Variants in TBC1D16 observed in about 807,000 individuals in gnomAD.
The protein encoded by TBC1D16 is TBC1 domain family member 16.
Under a neutral mutation model 74.7 loss-of-function variants are expected in TBC1D16, and 58 were observed. The ratio of observed to expected loss-of-function variants is 0.78; its 90% CI spans 0.63 to 0.97. The LOEUF is 0.97. TBC1D16 is among the 50% of genes least tolerant of loss of function. The pLI, the probability that TBC1D16 is intolerant of heterozygous loss-of-function variation, is 0.00. For missense variants in TBC1D16, 1,014 were observed against 1,079.5 expected (o/e 0.94, Z 0.85); for synonymous variants, 493 against 474.7 (o/e 1.04, Z -0.50).
In TBC1D16 at chr17:80,010,627, G is replaced by T. The variant is rs751077321; in HGVS notation, c.312C>A (p.Pro104=). ...CCCGAGGGCGGGGTGCCTTGCGAAC[G>T]GGGGAGCTCTCGGGTGTGATGTAGC... ...ALRYITPESS[P]VRKAPRPRGR... is the part of the protein sequence containing the mutation. Residue 104 remains proline (P), a synonymous_variant, in exon 3 of 12, where the codon CCC becomes CCA. Transcript: ENST00000310924. The surrounding 1 kb of genome is among the most constrained non-coding windows in gnomAD (Gnocchi z 8.8). 1 of 1,576,556 alleles carries T rather than the reference G, an allele frequency of 6.3e-7. No individual in the cohort carries two copies. Among genetic ancestry groups the T allele is most frequent in the Non-Finnish European group, 8.6e-7 (1 of 1,164,036 alleles).
chr17:79,994,688 T>G lies in TBC1D16; in HGVS notation c.779+15472A>C, dbSNP rs1568619864. Among the ~76,000 whole-genome samples, 1 of 152,088 alleles carries G rather than the reference T, an allele frequency of 6.6e-6. No individual in the cohort carries two copies. The highest frequency in any genetic ancestry group is 1.5e-5 in the Non-Finnish European group (1 of 68,024). ...ATCCACCAGCCTCGGCATCCCAAAG[T>G]GCTGGGATTACAGGCGTGAGCCATT... On this transcript the variant is annotated intron_variant, in intron 3 of 11. Coordinates refer to ENST00000310924, the MANE Select transcript of TBC1D16 (RefSeq NM_019020.4). This position sits in a 1 kb window ranked among gnomAD's most constrained non-coding sequence, Gnocchi z 4.6.
rs1010969805 is a variant in TBC1D16, at chr17:79,961,076, G to A, written c.780-8258C>T. Among the ~76,000 whole-genome samples the A allele has an allele frequency of 3.3e-5, 5 of 152,178 alleles. No homozygotes were observed. The highest frequency in any genetic ancestry group is 7.2e-5 in the African/African-American group (3 of 41,450). ...GCAGAAAACAGGAAATGACACAAAC[G>A]TCTTTCAGCTGGTGAATGGCTAAAC... On this transcript the variant is annotated intron_variant, in intron 3 of 11. Coordinates refer to ENST00000310924, the MANE Select transcript of TBC1D16 (RefSeq NM_019020.4). The surrounding 1 kb of genome is among the most constrained non-coding windows in gnomAD (Gnocchi z 4.8).
chr17:79,976,572 G>A (rs955727832), intron 3 of TBC1D16, among the ~76,000 whole-genome samples: 8 of 152,276 alleles, frequency 5.3e-5, no homozygotes, highest in Middle Eastern at 3.4e-3. Context: ...GAAACACACC[G>A]TGCAAAGACC....
Position 80,023,443 on chromosome 17 carries a change from G to A in TBC1D16, c.-62-9834C>T, listed in dbSNP as rs905047514. On this transcript the variant is annotated intron_variant, in intron 1 of 11. Coordinates refer to ENST00000310924, the MANE Select transcript of TBC1D16 (RefSeq NM_019020.4). ...GAAGCCACAGTTCCCCATGAGCCCA[G>A]GGCAAGCTCGTCAGAGACCCTTCCC... Among the ~76,000 whole-genome samples the A allele has an allele frequency of 1.3e-5, 2 of 149,988 alleles. 1 individual carries two copies. Among genetic ancestry groups the A allele is most frequent in the African/African-American group, 5.1e-5 (2 of 39,366 alleles).
In TBC1D16 at chr17:79,993,127, A is replaced by C. The variant is rs2035138770; in HGVS notation, c.779+17033T>G. On this transcript the variant is annotated intron_variant, in intron 3 of 11. Transcript: ENST00000310924. The surrounding 1 kb of genome is among the most constrained non-coding windows in gnomAD (Gnocchi z 5.1). ...GCCAGCCCCATTGTGCAGAGGGGAAACTGAGGCAATGAGGGTAATAACCCA... is the reference window on the plus strand; with the variant it reads ...GCCAGCCCCATTGTGCAGAGGGGAACCTGAGGCAATGAGGGTAATAACCCA... 6.6e-6 allele frequency among the ~76,000 whole-genome samples: 1 copy of C among 152,206 alleles called. No homozygotes were observed. The highest frequency in any genetic ancestry group is 1.5e-5 in the Non-Finnish European group (1 of 68,034).
intron 7 of TBC1D16, among the ~76,000 whole-genome samples, chr17:79,949,516 G>A (rs1255577166): frequency 6.6e-6 from 1 of 152,236 alleles, no homozygotes. Flanking sequence ...AACGAGCCCC[G>A]CAGCTCCGAG....
In TBC1D16 at chr17:80,002,536, G is replaced by A. The variant is rs552688775; in HGVS notation, c.779+7624C>T. Among the ~76,000 whole-genome samples, 6 of 152,326 alleles carry A rather than the reference G, an allele frequency of 3.9e-5. No individual in the cohort carries two copies. The South Asian group carries it at 1.2e-3, about 32-fold the overall frequency. ...CCCCCATGACAGGGGCCACCCTGAG[G>A]GAGTAGAGGGGCCTTGTCTTATCAT... On this transcript the variant is annotated intron_variant, in intron 3 of 11. Coordinates refer to ENST00000310924, the MANE Select transcript of TBC1D16 (RefSeq NM_019020.4).
chr17:80,013,380 C>A lies in TBC1D16; in HGVS notation c.168G>T (p.Gly56=). Residue 56 remains glycine, a synonymous_variant, in exon 2 of 12, where the codon GGG becomes GGT. Coordinates refer to ENST00000310924, the MANE Select transcript of TBC1D16 (RefSeq NM_019020.4). ...GCCCTGGCTCACCTGGGTGGTGCTCCCCCAGCCCCTGCAGCCCCTCCGGCG... is the reference window on the plus strand; with the variant it reads ...GCCCTGGCTCACCTGGGTGGTGCTCACCCAGCCCCTGCAGCCCCTCCGGCG... ...VHPPEGLQGL[G]EHHPGYLCLY... is the part of the protein sequence containing the mutation. 6.2e-7 allele frequency: 1 copy of A among 1,606,336 alleles called. No homozygotes were observed. Among genetic ancestry groups the A allele is most frequent in the African/African-American group, 1.3e-5 (1 of 74,930 alleles).
At position 79,933,452 on chromosome 17, in the gene TBC1D16, T is replaced by C. The variant is rs2031385129; in HGVS notation, c.*7407A>G. On this transcript the variant is annotated 3_prime_UTR_variant, in exon 12 of 12. Transcript: ENST00000310924. ...ATAAAGAGCCAGGAGCAGAGAGCCC[T>C]GCATCTTGCCTGGGGCCCCTTGTAT... 6.6e-6 allele frequency: 1 copy of C among 152,232 alleles called. No homozygotes were observed. The highest frequency in any genetic ancestry group is 1.5e-5 in the Non-Finnish European group (1 of 68,052). The allele number at this position is 152,232 out of a possible 1,614,324, so 9.4% of individuals were successfully genotyped here.
In TBC1D16 at chr17:79,935,756, A is replaced by G. The variant is rs997412699; in HGVS notation, c.*5103T>C. On this transcript the variant is annotated 3_prime_UTR_variant, in exon 12 of 12. Transcript: ENST00000310924. The stretch of plus-strand genomic sequence containing the variant: ...CAATGGGTGATTACATTTAAAAACC[A>G]AAACAAAACAAAACAAAATACCAAG... 6.6e-6 allele frequency: 1 copy of G among 152,252 alleles called. No homozygotes were observed. Among genetic ancestry groups the G allele is most frequent in the Non-Finnish European group, 1.5e-5 (1 of 68,076 alleles). The allele number at this position is 152,252 out of a possible 1,614,324, so 9.4% of individuals were successfully genotyped here.
At chr17:79,952,440 G>A (rs866286764) in intron 4 of TBC1D16, among the ~76,000 whole-genome samples, 35 of 152,250 alleles carry the variant, frequency 2.3e-4, no homozygotes, top group African/African-American at 8.0e-4. Flanking sequence ...AGGTAGGGGA[G>A]TGAGTTCGGT....
intron 2 of TBC1D16, among the ~76,000 whole-genome samples, chr17:80,011,207 A>AT (rs34838808): frequency 0.18 from 23,428 of 131,626 alleles, 2,518 homozygotes; most frequent in Non-Finnish European, 0.25. Context: ...CACCCAGCTA[A>AT]TTTTTTTTTT....
At position 79,985,748 on chromosome 17, in the gene TBC1D16, C is replaced by G. The variant is rs1260490875; in HGVS notation, c.779+24412G>C. 6.6e-6 allele frequency among the ~76,000 whole-genome samples: 1 copy of G among 152,228 alleles called. No homozygotes were observed. Among genetic ancestry groups the G allele is most frequent in the African/African-American group, 2.4e-5 (1 of 41,450 alleles). On this transcript the variant is annotated intron_variant, in intron 3 of 11. Coordinates refer to ENST00000310924, the MANE Select transcript of TBC1D16 (RefSeq NM_019020.4). This position sits in a 1 kb window ranked among gnomAD's most constrained non-coding sequence, Gnocchi z 4.9. Reference sequence around the variant, plus strand: ...GTGTGAAGACCTCTCTAATTGCGCACACTCCCCCCTCGGCTGGGTCCTCGG... The same window carrying G: ...GTGTGAAGACCTCTCTAATTGCGCAGACTCCCCCCTCGGCTGGGTCCTCGG...
chr17:79,995,244 G>C (rs981664401), intron 3 of TBC1D16, among the ~76,000 whole-genome samples: 3 of 151,716 alleles, frequency 2.0e-5, no homozygotes, highest in Non-Finnish European at 4.4e-5. Context: ...AGGTTGCAGT[G>C]AGCTGAGATC....
At chr17:80,023,656 G>GCCC (rs1303746751) in intron 1 of TBC1D16, among the ~76,000 whole-genome samples, 2 of 126,218 alleles carry the variant, frequency 1.6e-5, no homozygotes, top group African/African-American at 3.2e-5. Flanking sequence ...ACTGCTGCCG[G>GCCC]GCCCCCCCCC....
At chr17:80,006,193 T>G (rs1396573093) in intron 3 of TBC1D16, among the ~76,000 whole-genome samples, 4 of 151,616 alleles carry the variant, frequency 2.6e-5, no homozygotes, top group Non-Finnish European at 4.4e-5. Flanking sequence ...GCTCTCGCTC[T>G]CTCTCGCTCT....
rs555606697 is a variant in TBC1D16, at chr17:79,985,718, T to C, written c.779+24442A>G. On this transcript the variant is annotated intron_variant, in intron 3 of 11. Coordinates refer to ENST00000310924, the MANE Select transcript of TBC1D16 (RefSeq NM_019020.4). This position sits in a 1 kb window ranked among gnomAD's most constrained non-coding sequence, Gnocchi z 4.9. ...AAATGCCATTTAGTAGCTAATTAAC[T>C]TTCTGTGTGAAGACCTCTCTAATTG... Among the ~76,000 whole-genome samples, 6 of 152,350 alleles carry C rather than the reference T, an allele frequency of 3.9e-5. No individual in the cohort carries two copies. Among genetic ancestry groups the C allele is most frequent in the African/African-American group, 1.2e-4 (5 of 41,588 alleles).
At position 79,985,598 on chromosome 17, in the gene TBC1D16, G is replaced by C. The variant is rs1296932136; in HGVS notation, c.779+24562C>G. Among the ~76,000 whole-genome samples the C allele has an allele frequency of 1.3e-5, 2 of 152,234 alleles. No individual in the cohort carries two copies. The highest frequency in any genetic ancestry group is 2.9e-5 in the Non-Finnish European group (2 of 68,048). Reference sequence around the variant, plus strand: ...GGGTGGGGGGCATCCCAGGCCCTGAGACTGGTGCTGGGTCCAAGGGTCCCC... The same window carrying C: ...GGGTGGGGGGCATCCCAGGCCCTGACACTGGTGCTGGGTCCAAGGGTCCCC... On this transcript the variant is annotated intron_variant, in intron 3 of 11. Transcript: ENST00000310924. The surrounding 1 kb of genome is among the most constrained non-coding windows in gnomAD (Gnocchi z 4.9).
In TBC1D16 at chr17:80,013,581, C is replaced by T. The variant is rs1363670535; in HGVS notation, c.-34G>A. ...AAGTGTTTCCATCCTCCGCATGCGTCGGCCCGGGCAGGGCTCGTCAAGACC... is the reference window on the plus strand; with the variant it reads ...AAGTGTTTCCATCCTCCGCATGCGTTGGCCCGGGCAGGGCTCGTCAAGACC... On this transcript the variant is annotated 5_prime_UTR_variant, in exon 2 of 12. Coordinates refer to ENST00000310924, the MANE Select transcript of TBC1D16 (RefSeq NM_019020.4). 2.1e-6 allele frequency: 3 copies of T among 1,460,030 alleles called. No homozygotes were observed. The highest frequency in any genetic ancestry group is 2.7e-6 in the Non-Finnish European group (3 of 1,102,318). The allele number at this position is 1,460,030 out of a possible 1,614,324, so 90.4% of individuals were successfully genotyped here. A position where few individuals can be genotyped will look rare whatever the true frequency, so the allele number is the denominator to read the frequency against.
Sources: gnomAD v4.1 joint callset for allele counts (sites outside exome capture counted in the v4.1 genomes callset) on GRCh38, gnomAD v4.1.1 for gene constraint, Gnocchi (gnomAD v3.1) non-coding constraint, MANE v1.5 for transcripts, NCBI Gene and HGNC (gene_info 2026-07-23, HGNC 2026-07-21) for gene names.